The following LAMA2 variants were observed in gnomAD, a reference collection of about 807,000 sequenced individuals.
The protein encoded by LAMA2 is laminin subunit alpha-2.
In LAMA2, 269 loss-of-function variants were observed where a neutral mutation model predicts 364.8. The observed-to-expected ratio is 0.74, with a 90% CI of 0.67 to 0.82. The LOEUF is 0.82. Among genes scored for constraint, LAMA2 ranks in the 40% least tolerant of loss-of-function variants. LAMA2 has a pLI of 0.00. For missense variants in LAMA2, 3,807 were observed against 3,873.2 expected (o/e 0.98, Z 0.45); for synonymous variants, 1,379 against 1,370.6 (o/e 1.01, Z -0.14).
At chr6:129,502,267 T>C (rs1319588832) in intron 58 of LAMA2, among the ~76,000 whole-genome samples, 2 of 152,244 alleles carry the variant, frequency 1.3e-5, no homozygotes, top group Non-Finnish European at 1.5e-5. Context: ...CACATTTTGC[T>C]ACTCTTATAA....
rs191479186 is a variant in LAMA2, at chr6:128,949,092, A to G, written c.112+65735A>G. Among the ~76,000 whole-genome samples, 94 of 152,322 alleles carry G rather than the reference A, an allele frequency of 6.2e-4. 2 individuals carry two copies. The highest frequency in any genetic ancestry group is 2.2e-3 in the African/African-American group (92 of 41,568). On this transcript the variant is annotated intron_variant, in intron 1 of 64. Transcript: ENST00000421865. Reference sequence around the variant, plus strand: ...ATTTTTATGAGTAATAATTAAGCTTATTGAATTATCACAACTCCAGTGAGA... The same window carrying G: ...ATTTTTATGAGTAATAATTAAGCTTGTTGAATTATCACAACTCCAGTGAGA...
At chr6:129,083,506 T>G (rs896259333) in intron 3 of LAMA2, among the ~76,000 whole-genome samples, 5 of 152,204 alleles carry the variant, frequency 3.3e-5, no homozygotes, top group Non-Finnish European at 7.4e-5. Flanking sequence ...CAATCTTCTT[T>G]CTTTGTTCTT....
At position 129,447,359 on chromosome 6, in the gene LAMA2, T is replaced by C. The variant is rs143709015; in HGVS notation, c.6429+1538T>C. Among the ~76,000 whole-genome samples the C allele has an allele frequency of 8.1e-4, 124 of 152,168 alleles. No homozygotes were observed. In the East Asian group the frequency reaches 0.022, roughly 27 times the overall value. On this transcript the variant is annotated intron_variant, in intron 45 of 64. Transcript: ENST00000421865. Reference sequence around the variant, plus strand: ...ATTTGAGCCAGGCATTGAGGTGGGATAGTGCTGGGGAGTTGGGGGTGGAGT... The same window carrying C: ...ATTTGAGCCAGGCATTGAGGTGGGACAGTGCTGGGGAGTTGGGGGTGGAGT...
chr6:129,246,122 T>G (rs1289134828), intron 12 of LAMA2, among the ~76,000 whole-genome samples: 1 of 152,180 alleles, frequency 6.6e-6, no homozygotes, highest in African/African-American at 2.4e-5. Flanking sequence ...CCAGAATCAC[T>G]TACTGATGGG....
intron 4 of LAMA2, among the ~76,000 whole-genome samples, chr6:129,142,889 C>G (rs574471030): frequency 6.6e-6 from 1 of 151,998 alleles, no homozygotes; most frequent in Admixed American, 6.6e-5. Context: ...TTTTAACAGT[C>G]ATTTTAATTT....
chr6:128,903,663 C>T (rs1417559519), intron 1 of LAMA2, among the ~76,000 whole-genome samples: 1 of 152,206 alleles, frequency 6.6e-6, no homozygotes, highest in Non-Finnish European at 1.5e-5. Context: ...TCTTTATCCT[C>T]TGCTTTATTA....
At chr6:129,400,862 A>G (rs1452182875) in intron 37 of LAMA2, among the ~76,000 whole-genome samples, 1 of 152,252 alleles carries the variant, frequency 6.6e-6, no homozygotes, top group Non-Finnish European at 1.5e-5. Context: ...TCATTTGTAT[A>G]TAGATTCTAG....
At position 129,124,561 on chromosome 6, in the gene LAMA2, G is replaced by C. The variant is rs72618508; in HGVS notation, c.640-19340G>C. On this transcript the variant is annotated intron_variant, in intron 4 of 64. Coordinates refer to ENST00000421865, the MANE Select transcript of LAMA2 (RefSeq NM_000426.4). ...CACCAAATATGCCAAAGCTTATGCT[G>C]CTTCCTGGGCTGTGAGTAATAAAGT... Among the ~76,000 whole-genome samples, 2,426 of 152,256 alleles carry C rather than the reference G, an allele frequency of 0.016. 268 individuals are homozygous for C. The East Asian group carries it at 0.31, about 20-fold the overall frequency.
intron 4 of LAMA2, among the ~76,000 whole-genome samples, chr6:129,122,540 G>A (rs191144019): frequency 1.3e-5 from 2 of 152,126 alleles, no homozygotes; most frequent in Non-Finnish European, 2.9e-5. Context: ...CTGAAAAGCA[G>A]GATTACATAT....
intron 12 of LAMA2, among the ~76,000 whole-genome samples, chr6:129,221,210 C>T (rs1328763817): frequency 2.7e-5 from 4 of 149,414 alleles, no homozygotes; most frequent in East Asian, 3.9e-4. Flanking sequence ...AGAAACGGAC[C>T]TACAAATGTC....
At chr6:129,195,202 G>A (rs539490564) in intron 12 of LAMA2, among the ~76,000 whole-genome samples, 3 of 152,242 alleles carry the variant, frequency 2.0e-5, no homozygotes, top group Admixed American at 2.0e-4. Flanking sequence ...TTGGTTATAA[G>A]GCTTCTTCTA....
At chr6:129,415,117 A>G (rs1409095779) in intron 40 of LAMA2, among the ~76,000 whole-genome samples, 2 of 152,200 alleles carry the variant, frequency 1.3e-5, no homozygotes, top group African/African-American at 2.4e-5. Flanking sequence ...GAAGCTATTT[A>G]TGTCCTCATT....
intron 12 of LAMA2, among the ~76,000 whole-genome samples, chr6:129,228,488 A>G (rs1784473830): frequency 6.6e-6 from 1 of 152,142 alleles, no homozygotes. Context: ...AAAGATTGTA[A>G]TATATTGTTG....
In LAMA2 at chr6:129,267,165, A is replaced by G. The variant is rs1787581713; in HGVS notation, c.2268A>G (p.Pro756=). 1 of 1,613,350 alleles carries G rather than the reference A, an allele frequency of 6.2e-7. No individual in the cohort carries two copies. The highest frequency in any genetic ancestry group is 8.5e-7 in the Non-Finnish European group (1 of 1,179,554). The change falls in exon 16 of 65, where the codon CCA becomes CCG. Residue 756 remains proline (P), a synonymous_variant. Coordinates refer to ENST00000421865, the MANE Select transcript of LAMA2 (RefSeq NM_000426.4). ...CTATTTTTGGTGGCATCTGTGAGCC[A>G]TGTCAGTGCTTTGGTCATGCGGAGT... ...NGTIFGGICE[P]CQCFGHAESC...
chr6:128,968,305 C>T (rs978253071), intron 1 of LAMA2, among the ~76,000 whole-genome samples: 6 of 152,184 alleles, frequency 3.9e-5, no homozygotes, highest in Middle Eastern at 3.4e-3. Flanking sequence ...TTCATTTATT[C>T]AAACAAATAT....
At chr6:129,128,583 G>A (rs768171879) in intron 4 of LAMA2, among the ~76,000 whole-genome samples, 1 of 152,022 alleles carries the variant, frequency 6.6e-6, no homozygotes, top group Non-Finnish European at 1.5e-5. Flanking sequence ...GATTGCTTTG[G>A]GTATTATGAA....
intron 3 of LAMA2, among the ~76,000 whole-genome samples, chr6:129,097,959 C>A (rs1411201895): frequency 6.6e-6 from 1 of 152,126 alleles, no homozygotes; most frequent in Non-Finnish European, 1.5e-5. Context: ...TAATCCATTT[C>A]TTTTAAAGCC....
intron 12 of LAMA2, among the ~76,000 whole-genome samples, chr6:129,214,068 A>G (rs1361844077): frequency 6.6e-6 from 1 of 152,062 alleles, no homozygotes; most frequent in Non-Finnish European, 1.5e-5. Flanking sequence ...GTATTTTTTC[A>G]CAAGTTATCT....
chr6:129,048,024 G>A (rs1034334908), intron 1 of LAMA2, among the ~76,000 whole-genome samples: 8 of 152,074 alleles, frequency 5.3e-5, no homozygotes, highest in Admixed American at 3.9e-4. Context: ...AATCAGGAGC[G>A]AGTTACTTAA....
Sources: allele counts gnomAD v4.1 joint callset (sites outside exome capture counted in the v4.1 genomes callset), GRCh38; gene constraint gnomAD v4.1.1; transcripts MANE v1.5; gene names NCBI Gene and HGNC (gene_info 2026-07-23, HGNC 2026-07-21).